Variants in USH2A observed in about 807,000 individuals in gnomAD.
USH2A encodes the protein usherin.
USH2A carries 443 observed loss-of-function variants against 538.9 expected under a neutral mutation model. That is an observed-to-expected ratio of 0.82 (90% confidence interval 0.76 to 0.89). The LOEUF (loss-of-function observed/expected upper bound fraction) is 0.89, where lower values mean the gene tolerates loss of function less well. Ranked by LOEUF, USH2A falls within the 40% of genes least tolerant of loss-of-function variation. The pLI, the probability that USH2A is intolerant of heterozygous loss-of-function variation, is 0.00. For missense variants in USH2A, 6,633 were observed against 6,324.8 expected, an observed-to-expected ratio of 1.05 and a Z score of -1.65; for synonymous variants, 2,413 against 2,273.5, an observed-to-expected ratio of 1.06 and a Z score of -1.75.
At chr1:215,908,992 A>G in intron 38 of USH2A, among the ~76,000 whole-genome samples, 1 of 149,198 alleles carries the variant, frequency 6.7e-6, no homozygotes, top group South Asian at 2.1e-4. Context: ...ATATACATAT[A>G]TAATAATAAT....
intron 70 of USH2A, among the ~76,000 whole-genome samples, chr1:215,630,503 T>TG (rs1162956766): frequency 7.5e-6 from 1 of 133,860 alleles, no homozygotes; most frequent in African/African-American, 2.9e-5. Flanking sequence ...TATATATATA[T>TG]ATATATATAT....
chr1:216,222,216 A>T (rs1285003001), intron 14 of USH2A, among the ~76,000 whole-genome samples: 1 of 152,210 alleles, frequency 6.6e-6, no homozygotes, highest in African/African-American at 2.4e-5. Context: ...ATCTTTATCT[A>T]TAAAGGATGA....
intron 38 of USH2A, among the ~76,000 whole-genome samples, chr1:215,918,144 C>T (rs1451168794): frequency 6.6e-6 from 1 of 151,992 alleles, no homozygotes; most frequent in African/African-American, 2.4e-5. Context: ...AGAATCAGAG[C>T]AGATTGGTTA....
At chr1:216,377,544 T>C (rs2038845019) in intron 3 of USH2A, among the ~76,000 whole-genome samples, 1 of 152,098 alleles carries the variant, frequency 6.6e-6, no homozygotes, top group African/African-American at 2.4e-5. Flanking sequence ...TGTTATCATC[T>C]GAAGAACTTC....
At chr1:216,360,081 C>T (rs569370506) in intron 4 of USH2A, among the ~76,000 whole-genome samples, 2 of 152,198 alleles carry the variant, frequency 1.3e-5, no homozygotes, top group African/African-American at 2.4e-5. Context: ...AAGTTGAAAA[C>T]TTATGTTCAC....
At chr1:216,235,803 G>A (rs1291878155) in intron 13 of USH2A, among the ~76,000 whole-genome samples, 10 of 152,164 alleles carry the variant, frequency 6.6e-5, no homozygotes, top group Non-Finnish European at 1.5e-5. Flanking sequence ...CTGGGGCTAA[G>A]CACTAATTGT....
chr1:215,819,526 T>C (rs771272379), intron 47 of USH2A, among the ~76,000 whole-genome samples: 1 of 151,908 alleles, frequency 6.6e-6, no homozygotes, highest in East Asian at 1.9e-4. Flanking sequence ...AGATGACTTG[T>C]ACAGCCACAG....
chr1:215,825,796 T>C (rs1346850836), intron 47 of USH2A, among the ~76,000 whole-genome samples: 1 of 152,206 alleles, frequency 6.6e-6, no homozygotes, highest in Non-Finnish European at 1.5e-5. Flanking sequence ...ACAAATTTAA[T>C]TCTTTGCTTT....
chr1:216,084,562 C>T (rs2032059079), intron 25 of USH2A, 136 bp downstream of exon 25: 1 of 849,028 alleles, frequency 1.2e-6, no homozygotes, highest in South Asian at 1.7e-5. Context: ...TATTTGTGTG[C>T]ACCATTGGAA....
intron 49 of USH2A, among the ~76,000 whole-genome samples, chr1:215,809,610 C>T (rs1457114333): frequency 1.3e-5 from 2 of 152,144 alleles, no homozygotes; most frequent in Admixed American, 6.6e-5. Flanking sequence ...AATGTTTTCT[C>T]TCTAAAAACT....
chr1:215,877,334 G>T (rs1213280558), intron 43 of USH2A, among the ~76,000 whole-genome samples: 3 of 151,888 alleles, frequency 2.0e-5, no homozygotes, highest in Non-Finnish European at 2.9e-5. Flanking sequence ...TTTCTTTTGC[G>T]GACTGAATCA....
chr1:216,255,232 C>T (rs1344149050), intron 11 of USH2A, among the ~76,000 whole-genome samples: 1 of 152,160 alleles, frequency 6.6e-6, no homozygotes, highest in East Asian at 1.9e-4. Context: ...AAATGATCAT[C>T]CCCATGAGAT....
chr1:216,109,374 G>A (rs2032811908), intron 21 of USH2A, among the ~76,000 whole-genome samples: 1 of 152,116 alleles, frequency 6.6e-6, no homozygotes, highest in Non-Finnish European at 1.5e-5. Context: ...CTCCTCCGCT[G>A]TCTGAACAAG....
intron 50 of USH2A, among the ~76,000 whole-genome samples, chr1:215,793,032 A>G (rs561740856): frequency 9.2e-5 from 14 of 152,296 alleles, no homozygotes; most frequent in African/African-American, 3.4e-4. Context: ...TATATATCCA[A>G]TGGTTTCCAT....
At chr1:215,776,955 G>A (rs1024472191) in intron 55 of USH2A, among the ~76,000 whole-genome samples, 19 of 152,048 alleles carry the variant, frequency 1.2e-4, no homozygotes, top group African/African-American at 4.3e-4. Flanking sequence ...GCTGAATGAG[G>A]ACTTATTTCT....
At chr1:215,740,627 T>C (rs992132187) in intron 60 of USH2A, among the ~76,000 whole-genome samples, 1 of 152,194 alleles carries the variant, frequency 6.6e-6, no homozygotes, top group Non-Finnish European at 1.5e-5. Context: ...CTCTACATAA[T>C]AATTAATGAG....
intron 11 of USH2A, among the ~76,000 whole-genome samples, chr1:216,255,445 C>A (rs1330113926): frequency 1.3e-5 from 2 of 152,174 alleles, no homozygotes; most frequent in African/African-American, 2.4e-5. Flanking sequence ...TCATTCAGTT[C>A]AAAATACTTC....
intron 3 of USH2A, among the ~76,000 whole-genome samples, chr1:216,387,595 G>A (rs1011450008): frequency 2.0e-5 from 3 of 152,074 alleles, no homozygotes; most frequent in Non-Finnish European, 2.9e-5. Flanking sequence ...GTCTCAAGTT[G>A]GGCCAAACTG....
intron 16 of USH2A, among the ~76,000 whole-genome samples, chr1:216,202,658 T>G (rs1311968296): frequency 6.6e-6 from 1 of 152,192 alleles, no homozygotes; most frequent in Non-Finnish European, 1.5e-5. Flanking sequence ...CCTCCTGGTT[T>G]GTAGCACTCC....
Sources: gnomAD v4.1 joint callset for allele counts (sites outside exome capture counted in the v4.1 genomes callset) on GRCh38, gnomAD v4.1.1 for gene constraint, MANE v1.5 for transcripts, NCBI Gene and HGNC (gene_info 2026-07-23, HGNC 2026-07-21) for gene names.